The following PCGF3 variants were observed in gnomAD, a reference collection of about 807,000 sequenced individuals.
The protein encoded by PCGF3 is polycomb group ring finger 3, also known as polycomb group RING finger protein 3.
A neutral mutation model predicts 33.1 loss-of-function variants in PCGF3; 7 were observed. The observed-to-expected ratio is 0.21, with a 90% CI of 0.12 to 0.40. The LOEUF is 0.40. Ranked by LOEUF, PCGF3 falls within the 10% of genes least tolerant of loss-of-function variation. The pLI, the probability that PCGF3 is intolerant of heterozygous loss-of-function variation, is 1.00. For missense variants in PCGF3, 211 were observed against 313.3 expected (o/e 0.67, Z 2.46); for synonymous variants, 153 against 121.3 (o/e 1.26, Z -1.72).
chr4:761,523 AT>A (rs1745057192), intron 9 of PCGF3, 107 bp downstream of exon 9: 21 of 1,432,828 alleles, frequency 1.5e-5, no homozygotes, highest in Non-Finnish European at 2.0e-5. Flanking sequence ...AATTTTGGAG[AT>A]TTTAACCAGA....
chr4:707,536 GC>G (rs1742366531), intron 1 of PCGF3, among the ~76,000 whole-genome samples: 1 of 121,434 alleles, frequency 8.2e-6, no homozygotes, highest in Non-Finnish European at 1.8e-5. Flanking sequence ...CCCTGGGACA[GC>G]CCTGTTTTCC....
intron 8 of PCGF3, among the ~76,000 whole-genome samples, chr4:760,257 C>T (rs1002341034): frequency 6.6e-6 from 1 of 152,112 alleles, no homozygotes; most frequent in East Asian, 1.9e-4. Flanking sequence ...TTAACACTTC[C>T]TTTCCTTTCT....
At chr4:763,464 C>CT (rs1352776075) in intron 9 of PCGF3, among the ~76,000 whole-genome samples, 1 of 152,234 alleles carries the variant, frequency 6.6e-6, no homozygotes, top group African/African-American at 2.4e-5. Flanking sequence ...CAATTCATGC[C>CT]TTCCCCAGGG....
At chr4:726,094 G>C (rs1348231980) in intron 1 of PCGF3, among the ~76,000 whole-genome samples, 1 of 152,252 alleles carries the variant, frequency 6.6e-6, no homozygotes, top group African/African-American at 2.4e-5. Context: ...GCAGAGGCTG[G>C]CGGGCAGGAA....
At chr4:730,810 C>G in intron 2 of PCGF3, 142 bp downstream of exon 2, 4 of 388,092 alleles carry the variant, frequency 1.0e-5, no homozygotes. Context: ...TGGAGCCATG[C>G]GTGGGTCCTT....
chr4:731,202 C>T, intron 3 of PCGF3, 92 bp downstream of exon 3: 1 of 398,420 alleles, frequency 2.5e-6, no homozygotes, highest in Non-Finnish European at 4.4e-6. Context: ...TCATTAGGAG[C>T]CAGCTGGTCA....
intron 9 of PCGF3, among the ~76,000 whole-genome samples, chr4:763,847 A>G (rs1294679421): frequency 6.6e-6 from 1 of 152,236 alleles, no homozygotes; most frequent in Admixed American, 6.5e-5. Context: ...ACCGTGGTGC[A>G]TCCATACTGG....
At chr4:714,720 G>A (rs1470266390) in intron 1 of PCGF3, among the ~76,000 whole-genome samples, 1 of 152,218 alleles carries the variant, frequency 6.6e-6, no homozygotes, top group Non-Finnish European at 1.5e-5. Flanking sequence ...GGCCAGCGGA[G>A]ACATAGGCCC....
chr4:756,234 G>A (rs539019411), intron 8 of PCGF3, among the ~76,000 whole-genome samples: 2 of 129,660 alleles, frequency 1.5e-5, no homozygotes, highest in Non-Finnish European at 3.2e-5. Flanking sequence ...TTTTTGAGAT[G>A]TAGTCTTATA....
At chr4:731,088 G>A (rs931131731) in exon 3 of PCGF3, 4 of 398,498 alleles carry the variant, frequency 1.0e-5, no homozygotes, top group Admixed American at 8.8e-5. Context: ...GCAGAGGGAC[G>A]GACACGCGGA....
intron 3 of PCGF3, chr4:732,326 C>A (rs556216806): frequency 8.0e-6 from 1 of 125,714 alleles, no homozygotes; most frequent in Non-Finnish European, 1.8e-5. Flanking sequence ...ACCCTCCCCT[C>A]CCCTTCCCTC....
At chr4:734,259 G>GGAT in intron 4 of PCGF3, 2 of 1,474,598 alleles carry the variant, frequency 1.4e-6, no homozygotes, top group Non-Finnish European at 1.8e-6. Context: ...TACCGCTGAC[G>GGAT]GGCAGGTGCC....
At position 766,193 on chromosome 4, in the gene PCGF3, A is replaced by G. The variant is rs904210440; in HGVS notation, c.*114A>G. The stretch of plus-strand genomic sequence containing the variant: ...TGTGGACCAGACTTCTGAATAGAGA[A>G]TATTTATAACTTTTGTATGAGAGAG... On this transcript the variant is annotated 3_prime_UTR_variant, in exon 11 of 11. Transcript: ENST00000362003. The G allele has an allele frequency of 6.4e-6, 5 of 781,364 alleles. No homozygotes were observed. In the East Asian group the frequency reaches 7.9e-5, roughly 12 times the overall value. 48.4% of individuals were successfully genotyped at this position (781,364 alleles called of 1,614,324 possible). A position where few individuals can be genotyped will look rare whatever the true frequency, so the allele number is the denominator to read the frequency against.
At chr4:761,542 C>G in intron 9 of PCGF3, 126 bp downstream of exon 9, 3 of 1,405,514 alleles carry the variant, frequency 2.1e-6, no homozygotes, top group Non-Finnish European at 2.9e-6. Context: ...AGAAAAAAAT[C>G]CGTTTTGCCT....
At position 727,233 on chromosome 4, in the gene PCGF3, C is replaced by CTTTTTTTT. The variant is rs57690550; in HGVS notation, c.-189-3379_-189-3372dup. Among the ~76,000 whole-genome samples, 322 of 61,902 alleles carry CTTTTTTTT rather than the reference C, an allele frequency of 5.2e-3. 34 individuals are homozygous for CTTTTTTTT. The highest frequency in any genetic ancestry group is 6.1e-3 in the Non-Finnish European group (211 of 34,636). 40.6% of individuals were successfully genotyped at this position (61,902 alleles called of 152,430 possible). The stretch of plus-strand genomic sequence containing the variant: ...AGAGGATGTGTGTGTTAGCGAGCGT[C>CTTTTTTTT]TTTTTTTTTTTTTTTTTTTTTTTTT... On this transcript the variant is annotated intron_variant, in intron 1 of 10. Coordinates refer to ENST00000362003, the Ensembl canonical transcript of PCGF3.
At chr4:741,916 CTG>C (rs1394367356) in intron 6 of PCGF3, among the ~76,000 whole-genome samples, 3 of 152,202 alleles carry the variant, frequency 2.0e-5, no homozygotes, top group African/African-American at 7.2e-5. Flanking sequence ...CTTCTGCAGA[CTG>C]ATGGGAACAG....
chr4:753,377 G>A (rs971509266), intron 8 of PCGF3, among the ~76,000 whole-genome samples: 4 of 152,166 alleles, frequency 2.6e-5, no homozygotes, highest in East Asian at 1.9e-4. Flanking sequence ...ACTCTTGGCC[G>A]GGTGCGGTGG....
At chr4:736,108 C>T (rs1026078357) in intron 5 of PCGF3, among the ~76,000 whole-genome samples, 2 of 151,898 alleles carry the variant, frequency 1.3e-5, no homozygotes, top group Non-Finnish European at 2.9e-5. Context: ...AGTGCAATGG[C>T]GCCATCTCAG....
chr4:763,400 G>A (rs373237556), intron 9 of PCGF3, among the ~76,000 whole-genome samples: 7 of 152,272 alleles, frequency 4.6e-5, no homozygotes, highest in South Asian at 4.1e-4. Context: ...CTGCTGCTGC[G>A]TTAACCGTGC....
Sources: allele counts gnomAD v4.1 joint callset (sites outside exome capture counted in the v4.1 genomes callset), GRCh38; gene constraint gnomAD v4.1.1; transcripts MANE v1.5; gene names NCBI Gene and HGNC (gene_info 2026-07-23, HGNC 2026-07-21).